ST8SIA4: variants seen among roughly 807,000 people sequenced by gnomAD.
ST8SIA4 encodes ST8 alpha-N-acetyl-neuraminide alpha-2,8-sialyltransferase 4.
A neutral mutation model predicts 33.9 loss-of-function variants in ST8SIA4; 15 were observed. The observed-to-expected ratio is 0.44, with a 90% confidence interval of 0.30 to 0.68. The LOEUF (loss-of-function observed/expected upper bound fraction) is 0.68. Among genes scored for constraint, ST8SIA4 ranks in the 30% least tolerant of loss-of-function variants. ST8SIA4 has a pLI of 0.10. For missense variants in ST8SIA4, 321 were observed against 428.0 expected (o/e 0.75, Z 2.21); for synonymous variants, 171 against 151.2 (o/e 1.13, Z -0.96).
intron 4 of ST8SIA4, among the ~76,000 whole-genome samples, chr5:100,852,766 G>A (rs1751732625): frequency 6.6e-6 from 1 of 152,082 alleles, no homozygotes; most frequent in Non-Finnish European, 1.5e-5. Flanking sequence ...AGAGCTTTTA[G>A]AAAAATCTAA....
At chr5:100,873,942 A>AG in intron 3 of ST8SIA4, among the ~76,000 whole-genome samples, 1 of 152,226 alleles carries the variant, frequency 6.6e-6, no homozygotes, top group Non-Finnish European at 1.5e-5. Flanking sequence ...AGATAACTAC[A>AG]GAAAAAATGT....
chr5:100,886,098 A>AC, intron 3 of ST8SIA4: 1 of 1,277,426 alleles, frequency 7.8e-7, no homozygotes, highest in Non-Finnish European at 9.9e-7. Flanking sequence ...CTCCCCCCTC[A>AC]CCTCACCAAA....
chr5:100,872,853 GC>G (rs1752225951), intron 3 of ST8SIA4, among the ~76,000 whole-genome samples: 2 of 148,914 alleles, frequency 1.3e-5, no homozygotes, highest in African/African-American at 5.0e-5. Flanking sequence ...CAATCTTGGT[GC>G]TAGGTCCTAA....
At chr5:100,880,776 C>A (rs1337514275) in intron 3 of ST8SIA4, among the ~76,000 whole-genome samples, 1 of 152,008 alleles carries the variant, frequency 6.6e-6, no homozygotes, top group Non-Finnish European at 1.5e-5. Context: ...ATAGAATTTG[C>A]TGATTAATTG....
At chr5:100,853,012 C>T (rs1751737579) in intron 4 of ST8SIA4, among the ~76,000 whole-genome samples, 1 of 152,146 alleles carries the variant, frequency 6.6e-6, no homozygotes, top group African/African-American at 2.4e-5. Context: ...TTTAATTGCT[C>T]ATGAGAGGCA....
At chr5:100,876,194 G>A (rs949021052) in intron 3 of ST8SIA4, among the ~76,000 whole-genome samples, 1 of 152,014 alleles carries the variant, frequency 6.6e-6, no homozygotes, top group African/African-American at 2.4e-5. Context: ...ATATGTAACT[G>A]AACATTCTTT....
chr5:100,878,349 G>A (rs1752348290), intron 3 of ST8SIA4, among the ~76,000 whole-genome samples: 1 of 151,920 alleles, frequency 6.6e-6, no homozygotes. Context: ...GGCTAATTTT[G>A]TATTTTCAGT....
intron 2 of ST8SIA4, among the ~76,000 whole-genome samples, chr5:100,893,787 C>T (rs1752723517): frequency 6.6e-6 from 1 of 152,106 alleles, no homozygotes; most frequent in Admixed American, 6.6e-5. Context: ...ACTATTACAA[C>T]ATTTTATTTT....
rs557119667 is a variant in ST8SIA4 at position 100,861,589 on chromosome 5, T to A, written c.504-5193A>T. Among the ~76,000 whole-genome samples the A allele has an allele frequency of 6.6e-4, 101 of 152,144 alleles. 1 individual carries two copies. The highest frequency in any genetic ancestry group is 1.4e-3 in the Non-Finnish European group (94 of 68,008). On this transcript the variant is annotated intron_variant, in intron 3 of 4. Coordinates refer to ENST00000231461, the MANE Select transcript of ST8SIA4 (RefSeq NM_005668.6). ...AGCGTGCCAAGGAAAAATATATTGT[T>A]TAATTTAAATAAAAATGTTAAATAT...
At chr5:100,813,190 G>A (rs546658170) in intron 4 of ST8SIA4, among the ~76,000 whole-genome samples, 2 of 151,828 alleles carry the variant, frequency 1.3e-5, no homozygotes, top group Non-Finnish European at 2.9e-5. Context: ...TTCCAGGGGA[G>A]ATAAAATACA....
chr5:100,825,346 A>G (rs751727224), intron 4 of ST8SIA4, among the ~76,000 whole-genome samples: 6 of 152,164 alleles, frequency 3.9e-5, no homozygotes, highest in Non-Finnish European at 8.8e-5. Context: ...CTACTGAATT[A>G]TATTTTATAT....
chr5:100,825,310 A>G (rs1252755589), intron 4 of ST8SIA4, among the ~76,000 whole-genome samples: 1 of 152,208 alleles, frequency 6.6e-6, no homozygotes, highest in Non-Finnish European at 1.5e-5. Flanking sequence ...CAAGGGTTAA[A>G]GAAACTTTGA....
chr5:100,894,023 G>T (rs528816106), intron 2 of ST8SIA4, among the ~76,000 whole-genome samples: 1 of 152,160 alleles, frequency 6.6e-6, no homozygotes, highest in African/African-American at 2.4e-5. Flanking sequence ...CTCACATCTT[G>T]TGACTTTTTC....
intron 4 of ST8SIA4, among the ~76,000 whole-genome samples, chr5:100,850,262 C>T (rs910390791): frequency 6.6e-6 from 1 of 151,916 alleles, no homozygotes. Context: ...ATATTATATA[C>T]ATTTATCAAT....
At chr5:100,847,302 T>A (rs1179784660) in intron 4 of ST8SIA4, among the ~76,000 whole-genome samples, 2 of 152,066 alleles carry the variant, frequency 1.3e-5, no homozygotes, top group Non-Finnish European at 2.9e-5. Flanking sequence ...CTTGAGTTGA[T>A]TGAATACTCC....
chr5:100,861,463 C>T (rs1030002347), intron 3 of ST8SIA4, among the ~76,000 whole-genome samples: 23 of 152,086 alleles, frequency 1.5e-4, no homozygotes, highest in African/African-American at 4.8e-4. Context: ...TGTGTCATTC[C>T]GATACTTCTG....
chr5:100,815,889 A>AT (rs1482083064), intron 4 of ST8SIA4, among the ~76,000 whole-genome samples: 1 of 152,190 alleles, frequency 6.6e-6, no homozygotes, highest in Non-Finnish European at 1.5e-5. Flanking sequence ...GTAAAAGAAC[A>AT]TAAAGCTTGA....
Position 100,830,188 on chromosome 5 carries a change from G to A in ST8SIA4, c.798-18059C>T, listed in dbSNP as rs1225956048. On this transcript the variant is annotated intron_variant, in intron 4 of 4. Transcript: ENST00000231461. ...GTTACAAGGGGCAAGTAAGTGAAAG[G>A]GAATAGAGTTTACAAGACATTCTGT... Among the ~76,000 whole-genome samples the A allele has an allele frequency of 3.9e-5, 6 of 152,310 alleles. No individual in the cohort carries two copies. The East Asian group carries it at 1.2e-3, about 29-fold the overall frequency.
chr5:100,888,995 AT>A (rs768762011), intron 2 of ST8SIA4, among the ~76,000 whole-genome samples: 1 of 151,908 alleles, frequency 6.6e-6, no homozygotes, highest in Non-Finnish European at 1.5e-5. Context: ...AATCACAAAA[AT>A]TGATAGAAAT....
Sources: allele counts gnomAD v4.1 joint callset (sites outside exome capture counted in the v4.1 genomes callset), GRCh38; gene constraint gnomAD v4.1.1; transcripts MANE v1.5; gene names NCBI Gene and HGNC (gene_info 2026-07-23, HGNC 2026-07-21).